PDGFD: variants seen among roughly 807,000 people sequenced by gnomAD.
PDGFD encodes the protein platelet derived growth factor D.
In PDGFD, 30 loss-of-function variants were observed where a neutral mutation model predicts 44.7. That is an observed-to-expected ratio of 0.67 (90% CI 0.50 to 0.91). The LOEUF is 0.91. Among genes scored for constraint, PDGFD ranks in the 40% least tolerant of loss-of-function variants. The probability of loss-of-function intolerance (pLI) is 0.00; values close to 1 mark genes in which losing one functional copy is unlikely to be tolerated. For missense variants in PDGFD, 445 were observed against 457.8 expected, an observed-to-expected ratio of 0.97 and a Z score of 0.25; for synonymous variants, 173 against 168.4, an observed-to-expected ratio of 1.03 and a Z score of -0.21.
At chr11:104,131,622 C>A (rs1022660128) in intron 1 of PDGFD, among the ~76,000 whole-genome samples, 2 of 151,802 alleles carry the variant, frequency 1.3e-5, no homozygotes, top group African/African-American at 4.8e-5. Flanking sequence ...CTCTTAAATC[C>A]GGTGCTTTAC....
At chr11:104,021,913 G>A (rs1424470772) in intron 1 of PDGFD, among the ~76,000 whole-genome samples, 1 of 152,086 alleles carries the variant, frequency 6.6e-6, no homozygotes, top group Non-Finnish European at 1.5e-5. Flanking sequence ...CCAAGTTTAT[G>A]AGTAGCACAT....
At chr11:103,990,867 C>T (rs1442589222) in intron 3 of PDGFD, among the ~76,000 whole-genome samples, 2 of 152,066 alleles carry the variant, frequency 1.3e-5, no homozygotes, top group Non-Finnish European at 2.9e-5. Flanking sequence ...GGGCCAGGCG[C>T]GGTGGTTCAC....
At chr11:104,021,466 A>G (rs1859952038) in intron 1 of PDGFD, among the ~76,000 whole-genome samples, 1 of 152,184 alleles carries the variant, frequency 6.6e-6, no homozygotes, top group Non-Finnish European at 1.5e-5. Flanking sequence ...AGACAACAGA[A>G]TGCAGGCAGA....
Position 104,045,752 on chromosome 11 carries a change from A to C in PDGFD, c.125-45497T>G, listed in dbSNP as rs753333834. Among the ~76,000 whole-genome samples the C allele has an allele frequency of 8.2e-5, 12 of 146,834 alleles. 1 individual carries two copies. The highest frequency in any genetic ancestry group is 1.5e-4 in the Non-Finnish European group (10 of 65,908). ...ATGATGTTAGTTTCACATTTATTTC[A>C]AGTTTTCATGGAGCTATTGAAGGTC... On this transcript the variant is annotated intron_variant, in intron 1 of 6. Coordinates refer to ENST00000393158, the MANE Select transcript of PDGFD (RefSeq NM_025208.5).
intron 1 of PDGFD, among the ~76,000 whole-genome samples, chr11:104,106,606 A>G (rs1861475095): frequency 1.3e-5 from 2 of 152,178 alleles, no homozygotes. Flanking sequence ...TGTATACAGG[A>G]AGCTAAACAA....
At chr11:104,043,135 C>A (rs1457704260) in intron 1 of PDGFD, among the ~76,000 whole-genome samples, 5 of 152,090 alleles carry the variant, frequency 3.3e-5, no homozygotes, top group Non-Finnish European at 5.9e-5. Context: ...ATGTTTAACT[C>A]AGTACTGAAT....
At chr11:103,952,203 T>G (rs1858769931) in intron 3 of PDGFD, among the ~76,000 whole-genome samples, 1 of 152,334 alleles carries the variant, frequency 6.6e-6, no homozygotes, top group South Asian at 2.1e-4. Context: ...AGCAGAACAG[T>G]GCCCTTACCG....
intron 3 of PDGFD, among the ~76,000 whole-genome samples, chr11:103,983,466 C>T (rs904574015): frequency 5.3e-5 from 8 of 151,316 alleles, no homozygotes; most frequent in Non-Finnish European, 8.8e-5. Flanking sequence ...CTAAAAAAAT[C>T]CTGAAGACAA....
chr11:103,981,897 A>G (rs1859278072), intron 3 of PDGFD, among the ~76,000 whole-genome samples: 2 of 151,824 alleles, frequency 1.3e-5, no homozygotes, highest in Admixed American at 1.3e-4. Context: ...CTTGCCTGCT[A>G]TGGTGTTACA....
intron 1 of PDGFD, among the ~76,000 whole-genome samples, chr11:104,099,470 T>A (rs966952404): frequency 1.3e-5 from 2 of 151,816 alleles, no homozygotes; most frequent in African/African-American, 4.8e-5. Flanking sequence ...TGAAATGCTG[T>A]CTCTACAAAA....
At chr11:104,045,226 T>A (rs1029509846) in intron 1 of PDGFD, among the ~76,000 whole-genome samples, 1 of 152,142 alleles carries the variant, frequency 6.6e-6, no homozygotes, top group Non-Finnish European at 1.5e-5. Flanking sequence ...GATCAGTATA[T>A]GTCTAAGTGT....
intron 1 of PDGFD, among the ~76,000 whole-genome samples, chr11:104,034,895 G>T (rs1484406943): frequency 6.6e-6 from 1 of 152,114 alleles, no homozygotes; most frequent in East Asian, 1.9e-4. Flanking sequence ...GCCCACCCTG[G>T]CCTCCCAAAC....
intron 1 of PDGFD, among the ~76,000 whole-genome samples, chr11:104,062,818 A>T (rs898094180): frequency 1.3e-5 from 2 of 152,210 alleles, no homozygotes; most frequent in Non-Finnish European, 2.9e-5. Context: ...TCCACAACAG[A>T]TATGCTAATG....
intron 1 of PDGFD, among the ~76,000 whole-genome samples, chr11:104,140,948 G>A (rs1325261631): frequency 6.6e-6 from 1 of 152,126 alleles, no homozygotes; most frequent in Non-Finnish European, 1.5e-5. Context: ...TAATAGATTT[G>A]CTATCTGATT....
intron 5 of PDGFD, among the ~76,000 whole-genome samples, chr11:103,930,932 C>T (rs1292978211): frequency 6.6e-6 from 1 of 152,146 alleles, no homozygotes; most frequent in Non-Finnish European, 1.5e-5. Context: ...TTATCTGAAC[C>T]GAGTGGACTT....
chr11:104,070,943 T>G (rs1860865329), intron 1 of PDGFD, among the ~76,000 whole-genome samples: 1 of 152,188 alleles, frequency 6.6e-6, no homozygotes, highest in African/African-American at 2.4e-5. Context: ...GGTAAATGCC[T>G]ATGTATAAAG....
intron 1 of PDGFD, among the ~76,000 whole-genome samples, chr11:104,051,910 G>A (rs142860027): frequency 2.0e-5 from 3 of 152,038 alleles, no homozygotes; most frequent in East Asian, 1.9e-4. Context: ...ATGATTCAGC[G>A]GCAGTTAACA....
At chr11:103,924,732 A>C (rs1266695844) in intron 6 of PDGFD, among the ~76,000 whole-genome samples, 1 of 152,246 alleles carries the variant, frequency 6.6e-6, no homozygotes, top group East Asian at 1.9e-4. Flanking sequence ...CCACCACCAC[A>C]AAAGCCTCCA....
At chr11:103,976,815 T>C (rs1393916800) in intron 3 of PDGFD, among the ~76,000 whole-genome samples, 2 of 152,130 alleles carry the variant, frequency 1.3e-5, no homozygotes, top group African/African-American at 4.8e-5. Context: ...CATGTGGTTT[T>C]TTGTCATTGG....
Sources: allele counts gnomAD v4.1 joint callset (sites outside exome capture counted in the v4.1 genomes callset), GRCh38; gene constraint gnomAD v4.1.1; transcripts MANE v1.5; gene names NCBI Gene and HGNC (gene_info 2026-07-23, HGNC 2026-07-21).